IL1RAPL2: variants seen among roughly 807,000 people sequenced by gnomAD.
The protein encoded by IL1RAPL2 is interleukin 1 receptor accessory protein like 2.
In IL1RAPL2, 3 loss-of-function variants were observed where a neutral mutation model predicts 44.1. The ratio of observed to expected loss-of-function variants is 0.07; its 90% CI spans 0.03 to 0.18. IL1RAPL2 has a LOEUF of 0.18. IL1RAPL2 is among the 10% of genes least tolerant of loss of function. The pLI, the probability that IL1RAPL2 is intolerant of heterozygous loss-of-function variation, is 1.00. For missense variants in IL1RAPL2, 391 were observed against 496.4 expected (o/e 0.79, Z 2.02); for synonymous variants, 181 against 178.8 (o/e 1.01, Z -0.10).
In IL1RAPL2 at chrX:105,031,595, C is replaced by G. The variant is rs150838489; in HGVS notation, c.83-163880C>G. Among the ~76,000 whole-genome samples, 3 of 111,564 alleles carry G rather than the reference C, an allele frequency of 2.7e-5. No individual in the cohort carries two copies. In the South Asian group the frequency reaches 1.1e-3, roughly 42 times the overall value. On this transcript the variant is annotated intron_variant, in intron 2 of 10. Coordinates refer to ENST00000372582, the MANE Select transcript of IL1RAPL2 (RefSeq NM_017416.2). Reference sequence around the variant, plus strand: ...AACCTTGCATCCCAGGGATGAAGCCCACTTGAGCATGGTGTATAAGCTTTT... The same window carrying G: ...AACCTTGCATCCCAGGGATGAAGCCGACTTGAGCATGGTGTATAAGCTTTT...
intron 6 of IL1RAPL2, among the ~76,000 whole-genome samples, chrX:105,711,548 A>G (rs1004787707): frequency 9.0e-6 from 1 of 111,695 alleles, no homozygotes; most frequent in Non-Finnish European, 1.9e-5. Flanking sequence ...TGGAGGAGAC[A>G]TTCTGCTCTT....
At chrX:105,480,096 A>G (rs2036224420) in intron 5 of IL1RAPL2, among the ~76,000 whole-genome samples, 2 of 112,176 alleles carry the variant, frequency 1.8e-5, no homozygotes, top group Non-Finnish European at 1.9e-5. Context: ...GGCCAATCTA[A>G]TTAAACAGGT....
chrX:105,101,614 G>GT (rs1274158482), intron 2 of IL1RAPL2, among the ~76,000 whole-genome samples: 3 of 110,839 alleles, frequency 2.7e-5, no homozygotes, highest in East Asian at 2.8e-4. Flanking sequence ...TACTATATAC[G>GT]TAAGTGTATT....
At chrX:105,030,766 C>A (rs1179493775) in intron 2 of IL1RAPL2, among the ~76,000 whole-genome samples, 4 of 111,511 alleles carry the variant, frequency 3.6e-5, no homozygotes. Flanking sequence ...ATAGTTTTTT[C>A]CAATTCTGTG....
intron 6 of IL1RAPL2, among the ~76,000 whole-genome samples, chrX:105,598,022 A>G (rs1425991906): frequency 1.8e-5 from 2 of 111,570 alleles, no homozygotes; most frequent in Non-Finnish European, 3.8e-5. Flanking sequence ...TCATTGAAAC[A>G]TTATTTACAA....
chrX:105,256,838 A>G (rs1406506469), intron 4 of IL1RAPL2, among the ~76,000 whole-genome samples: 2 of 110,971 alleles, frequency 1.8e-5, no homozygotes, highest in African/African-American at 3.3e-5. Context: ...AATTGTGTTT[A>G]TTTGGATCTT....
chrX:105,096,839 G>A (rs1239904410), intron 2 of IL1RAPL2, among the ~76,000 whole-genome samples: 2 of 111,921 alleles, frequency 1.8e-5, no homozygotes, highest in African/African-American at 6.5e-5. Context: ...CAAATTTTAT[G>A]TTTTATGAGT....
chrX:104,850,649 C>A (rs1287475574), intron 2 of IL1RAPL2, among the ~76,000 whole-genome samples: 1 of 111,449 alleles, frequency 9.0e-6, no homozygotes, highest in Non-Finnish European at 1.9e-5. Flanking sequence ...TTGGTTGTTG[C>A]CATGGAGCTG....
chrX:104,770,714 G>A (rs1343263217), intron 2 of IL1RAPL2, among the ~76,000 whole-genome samples: 6 of 112,027 alleles, frequency 5.4e-5, no homozygotes, highest in African/African-American at 9.7e-5. Flanking sequence ...GTTATAGAGA[G>A]GAATTCGTTG....
chrX:105,021,947 G>C (rs148551355), intron 2 of IL1RAPL2, among the ~76,000 whole-genome samples: 2 of 110,948 alleles, frequency 1.8e-5, no homozygotes, highest in Non-Finnish European at 3.8e-5. Context: ...AATACATTTA[G>C]GGTGTGAGCA....
intron 5 of IL1RAPL2, among the ~76,000 whole-genome samples, chrX:105,341,004 A>G (rs986585157): frequency 9.8e-6 from 1 of 102,134 alleles, no homozygotes; most frequent in Non-Finnish European, 1.9e-5. Flanking sequence ...GTATTTAACT[A>G]TATATATCTA....
intron 4 of IL1RAPL2, among the ~76,000 whole-genome samples, chrX:105,245,704 A>G (rs191075219): frequency 2.4e-4 from 27 of 112,835 alleles, no homozygotes; most frequent in Non-Finnish European, 3.9e-4. Context: ...CCCTGTTGTC[A>G]CAGAAATGTG....
chrX:104,605,628 A>G (rs1205670905), intron 1 of IL1RAPL2, among the ~76,000 whole-genome samples: 2 of 112,056 alleles, frequency 1.8e-5, no homozygotes, highest in Non-Finnish European at 3.8e-5. Flanking sequence ...AAAGAGTGAT[A>G]TAGGGGATAT....
At chrX:104,879,247 G>A (rs1922993343) in intron 2 of IL1RAPL2, among the ~76,000 whole-genome samples, 1 of 109,281 alleles carries the variant, frequency 9.2e-6, no homozygotes, top group South Asian at 3.8e-4. Context: ...CCAGATCAGT[G>A]AAAATTCTCC....
chrX:104,579,726 A>G (rs6652388), intron 1 of IL1RAPL2, among the ~76,000 whole-genome samples: 18,097 of 110,892 alleles, frequency 0.16, 3,748 homozygotes, highest in African/African-American at 0.57. Flanking sequence ...TATAACAAAC[A>G]TGCACATGTA....
At chrX:105,632,148 C>CCGGA (rs1181822727) in intron 6 of IL1RAPL2, among the ~76,000 whole-genome samples, 13 of 110,943 alleles carry the variant, frequency 1.2e-4, no homozygotes, top group African/African-American at 4.3e-4. Context: ...AAAGAAGACA[C>CCGGA]CGGACCCTGA....
At chrX:104,696,336 A>G (rs1469289603) in intron 2 of IL1RAPL2, among the ~76,000 whole-genome samples, 2 of 112,067 alleles carry the variant, frequency 1.8e-5, no homozygotes, top group African/African-American at 6.5e-5. Context: ...TGTGTAAGGT[A>G]TTGTTTTGTT....
chrX:105,204,319 G>T (rs1238106544), intron 3 of IL1RAPL2, among the ~76,000 whole-genome samples: 1 of 111,259 alleles, frequency 9.0e-6, no homozygotes, highest in Non-Finnish European at 1.9e-5. Context: ...CTTATTGCTA[G>T]CTACGGTGTA....
At chrX:105,685,739 A>ACACATAAT (rs1485390858) in intron 6 of IL1RAPL2, among the ~76,000 whole-genome samples, 1 of 111,232 alleles carries the variant, frequency 9.0e-6, no homozygotes, top group East Asian at 2.8e-4. Context: ...CAACCCCAAG[A>ACACATAAT]CACATAATTG....
Sources: allele counts gnomAD v4.1 joint callset (sites outside exome capture counted in the v4.1 genomes callset), GRCh38; gene constraint gnomAD v4.1.1; transcripts MANE v1.5; gene names NCBI Gene and HGNC (gene_info 2026-07-23, HGNC 2026-07-21).